The following FOCAD variants were observed in gnomAD, a reference collection of about 807,000 sequenced individuals.
FOCAD encodes the protein focadhesin, also known as KIAA1797.
Under a neutral mutation model 225.6 loss-of-function variants are expected in FOCAD, and 198 were observed. That is an observed-to-expected ratio of 0.88 (90% CI 0.78 to 0.99). The LOEUF is 0.99. FOCAD is among the 50% of genes least tolerant of loss of function. The pLI is 0.00. For synonymous variants in FOCAD, 897 were observed against 755.0 expected (o/e 1.19, Z -3.08); for missense variants, 2,713 against 2,123.6 (o/e 1.28, Z -5.46).
chr9:20,767,050 C>T (rs1401871553), intron 7 of FOCAD, among the ~76,000 whole-genome samples: 3 of 151,740 alleles, frequency 2.0e-5, no homozygotes, highest in South Asian at 2.1e-4. Flanking sequence ...GTTCAATTCC[C>T]ACCTATGAGT....
intron 11 of FOCAD, among the ~76,000 whole-genome samples, chr9:20,795,594 G>A (rs1294123258): frequency 1.3e-5 from 2 of 151,796 alleles, no homozygotes; most frequent in East Asian, 3.9e-4. Flanking sequence ...GACCATCCTG[G>A]CTACACGGTG....
At chr9:20,728,492 C>G (rs1290604003) in intron 4 of FOCAD, among the ~76,000 whole-genome samples, 3 of 152,150 alleles carry the variant, frequency 2.0e-5, no homozygotes, top group African/African-American at 7.2e-5. Context: ...CATCAGTGCT[C>G]ACAAAATTTA....
chr9:20,930,672 C>A (rs1018643511), intron 27 of FOCAD, among the ~76,000 whole-genome samples: 1 of 152,134 alleles, frequency 6.6e-6, no homozygotes, highest in South Asian at 2.1e-4. Context: ...TTCAGATGAT[C>A]ATTTTCAGCT....
intron 22 of FOCAD, among the ~76,000 whole-genome samples, chr9:20,911,880 C>CTAGT (rs1564141822): frequency 6.6e-6 from 1 of 151,908 alleles, no homozygotes; most frequent in African/African-American, 2.4e-5. Context: ...AAAAAGACAG[C>CTAGT]TAGTAGAGAA....
At chr9:20,913,610 G>A (rs558944267) in intron 23 of FOCAD, among the ~76,000 whole-genome samples, 117 of 152,264 alleles carry the variant, frequency 7.7e-4, no homozygotes, top group African/African-American at 2.6e-3. Context: ...AAATCTGTCC[G>A]AAGATTATTT....
intron 35 of FOCAD, among the ~76,000 whole-genome samples, chr9:20,961,508 C>G (rs1246556995): frequency 1.3e-5 from 2 of 152,226 alleles, no homozygotes; most frequent in East Asian, 3.9e-4. Context: ...CATCTGTGTG[C>G]AAAGCATCTC....
At chr9:20,801,589 AT>A (rs1821844432) in intron 11 of FOCAD, among the ~76,000 whole-genome samples, 2 of 152,228 alleles carry the variant, frequency 1.3e-5, no homozygotes, top group South Asian at 4.1e-4. Context: ...AATAGGGGCC[AT>A]TTTTTATTTT....
At chr9:20,809,943 T>G (rs1289308825) in intron 11 of FOCAD, among the ~76,000 whole-genome samples, 1 of 152,192 alleles carries the variant, frequency 6.6e-6, no homozygotes, top group Non-Finnish European at 1.5e-5. Flanking sequence ...ATTGCCACTT[T>G]CTTTTAAAGC....
intron 11 of FOCAD, among the ~76,000 whole-genome samples, chr9:20,815,659 G>A (rs529616204): frequency 6.6e-6 from 1 of 152,118 alleles, no homozygotes; most frequent in South Asian, 2.1e-4. Flanking sequence ...TGTTTATCAA[G>A]GAACTTAAAC....
intron 15 of FOCAD, among the ~76,000 whole-genome samples, chr9:20,841,941 A>T (rs1356101915): frequency 2.6e-5 from 4 of 151,726 alleles, no homozygotes; most frequent in African/African-American, 9.7e-5. Context: ...AGGTTTTGGT[A>T]TCTTGTTTTC....
intron 2 of FOCAD, among the ~76,000 whole-genome samples, chr9:20,675,517 T>C (rs1259566981): frequency 6.6e-6 from 1 of 152,162 alleles, no homozygotes; most frequent in Non-Finnish European, 1.5e-5. Context: ...TATTCCCAAC[T>C]CACAGGGAGA....
At position 20,986,349 on chromosome 9, in the gene FOCAD, T is replaced by TGAGAGGTGAGA; in HGVS notation, c.4791_4792insAGAGGTGAGAG (p.Val1598ArgfsTer5). On this transcript the variant is annotated frameshift_variant, in exon 40 of 44. Transcript: ENST00000338382. LOFTEE classifies it high-confidence loss of function. ...TTAGTCTCTCAAGGACGATTCCCCT[T>TGAGAGGTGAGA]GGTGAACCTGACCGATATGCTGAGC... 6.2e-7 allele frequency: 1 copy of TGAGAGGTGAGA among 1,601,716 alleles called. No homozygotes were observed. The highest frequency in any genetic ancestry group is 1.1e-5 in the South Asian group (1 of 90,818).
chr9:20,688,340 C>T (rs1822785069), intron 1 of FOCAD, among the ~76,000 whole-genome samples: 1 of 152,004 alleles, frequency 6.6e-6, no homozygotes. Context: ...AGTTAGTGGC[C>T]AGATGGATGT....
At chr9:20,896,795 T>TAC (rs925057049) in intron 21 of FOCAD, among the ~76,000 whole-genome samples, 13 of 151,942 alleles carry the variant, frequency 8.6e-5, no homozygotes, top group African/African-American at 3.1e-4. Flanking sequence ...TTTGTTAAGG[T>TAC]GTGTTTTATG....
At chr9:20,833,031 G>C (rs1228060383) in intron 15 of FOCAD, among the ~76,000 whole-genome samples, 3 of 152,044 alleles carry the variant, frequency 2.0e-5, no homozygotes, top group African/African-American at 7.2e-5. Context: ...CCAGAAGAGG[G>C]ATTGCTAGGT....
intron 1 of FOCAD, among the ~76,000 whole-genome samples, chr9:20,685,612 A>C (rs1822616993): frequency 6.6e-6 from 1 of 152,234 alleles, no homozygotes. Context: ...AAGGTATGAT[A>C]TTGAAACAAT....
At chr9:20,716,962 G>A (rs1475440852) in intron 2 of FOCAD, among the ~76,000 whole-genome samples, 1 of 152,194 alleles carries the variant, frequency 6.6e-6, no homozygotes, top group Non-Finnish European at 1.5e-5. Context: ...GGTGCAACTT[G>A]CAATTCCTGG....
rs1001424679 is a variant in FOCAD at position 20,678,654 on chromosome 9, G to A, written c.-77-15866G>A. ...TGCTTCAGGAGATCAAGAGAGAGGAGAATGAGGGAAGTGAAGATAGTAATT... is the reference window on the plus strand; with the variant it reads ...TGCTTCAGGAGATCAAGAGAGAGGAAAATGAGGGAAGTGAAGATAGTAATT... On this transcript the variant is annotated intron_variant, in intron 2 of 45. Transcript: ENST00000380249. Among the ~76,000 whole-genome samples, 37 of 152,214 alleles carry A rather than the reference G, an allele frequency of 2.4e-4. 1 individual carries two copies. Among genetic ancestry groups the A allele is most frequent in the Non-Finnish European group, 1.0e-4 (7 of 68,032 alleles).
At chr9:20,839,907 T>C (rs887509028) in intron 15 of FOCAD, among the ~76,000 whole-genome samples, 2 of 152,152 alleles carry the variant, frequency 1.3e-5, no homozygotes, top group Non-Finnish European at 2.9e-5. Context: ...CACTATTTAT[T>C]GAGGTGACTA....
Sources: gnomAD v4.1 joint callset for allele counts (sites outside exome capture counted in the v4.1 genomes callset) on GRCh38, gnomAD v4.1.1 for gene constraint, MANE v1.5 for transcripts, NCBI Gene and HGNC (gene_info 2026-07-23, HGNC 2026-07-21) for gene names.